Variants in GTF3A observed in about 807,000 individuals in gnomAD.
GTF3A encodes the protein general transcription factor IIIA, also known as transcription factor IIIA.
Under a neutral mutation model 37.6 loss-of-function variants are expected in GTF3A, and 40 were observed. The ratio of observed to expected loss-of-function variants is 1.06; its 90% CI spans 0.83 to 1.38. The LOEUF (loss-of-function observed/expected upper bound fraction) is 1.38. Ranked by LOEUF, GTF3A falls within the 40% of genes most tolerant of loss-of-function variation. The pLI, the probability that GTF3A is intolerant of heterozygous loss-of-function variation, is 0.00. For missense variants in GTF3A, 500 were observed against 462.6 expected (o/e 1.08, Z -0.74); for synonymous variants, 191 against 166.7 (o/e 1.15, Z -1.12).
chr13:27,424,846 C>T lies in GTF3A; in HGVS notation c.109C>T (p.Pro37Ser), dbSNP rs762389606. Residue 37 changes from proline to serine, a missense_variant, in exon 1 of 9, where the codon CCC becomes TCC. Physicochemically the swap from Pro to Ser is moderately conservative, Grantham distance 74. Coordinates refer to ENST00000381140, the MANE Select transcript of GTF3A (RefSeq NM_002097.3). ...TCCGACCCCGCCGCGCCCCGCGCTT[C>T]CCAGGAGGTTCATCTGCTCCTTCCC... 1.5e-4 allele frequency: 237 copies of T among 1,550,830 alleles called. No individual in the cohort carries two copies. Among genetic ancestry groups the T allele is most frequent in the Non-Finnish European group, 1.9e-4 (222 of 1,146,814 alleles).
chr13:27,428,261 ACT>A lies in GTF3A; in HGVS notation c.302+1073_302+1074del, dbSNP rs753193242. On this transcript the variant is annotated intron_variant, in intron 2 of 8. Coordinates refer to ENST00000381140, the MANE Select transcript of GTF3A (RefSeq NM_002097.3). ...TAGCAAAGATAAGGCAGCTCCCTGGACTCTCCATTCTTTCTCCCATCCCTTGC... is the reference window on the plus strand; with the variant it reads ...TAGCAAAGATAAGGCAGCTCCCTGGACTCCATTCTTTCTCCCATCCCTTGC... Among the ~76,000 whole-genome samples the A allele has an allele frequency of 6.6e-5, 10 of 151,516 alleles. No individual in the cohort carries two copies. The East Asian group carries it at 1.9e-3, about 30-fold the overall frequency.
At chr13:27,434,605 CTG>C in intron 6 of GTF3A, 198 bp from the exon 7 acceptor site, 2 of 580,198 alleles carry the variant, frequency 3.4e-6, no homozygotes, top group Non-Finnish European at 3.0e-6. Context: ...TGAACAATGA[CTG>C]TGTGGCATTT....
At chr13:27,430,895 T>G (rs1014458876) in intron 4 of GTF3A, among the ~76,000 whole-genome samples, 3 of 152,236 alleles carry the variant, frequency 2.0e-5, no homozygotes, top group Admixed American at 1.3e-4. Context: ...TGCTGATTAT[T>G]TCTTTTGCTG....
intron 2 of GTF3A, 21 bp from the exon 3 acceptor site, chr13:27,429,849 G>A (rs1482577465): frequency 7.5e-7 from 1 of 1,340,110 alleles, no homozygotes; most frequent in East Asian, 2.6e-5. Flanking sequence ...TTAATATTTT[G>A]GTTTATATAA....
intron 4 of GTF3A, among the ~76,000 whole-genome samples, chr13:27,431,138 T>C (rs1953653563): frequency 6.6e-6 from 1 of 152,230 alleles, no homozygotes; most frequent in Admixed American, 6.5e-5. Flanking sequence ...TAGGGAGTCC[T>C]TTCCCCAGTT....
intron 4 of GTF3A, among the ~76,000 whole-genome samples, chr13:27,431,942 A>G (rs1218589799): frequency 1.3e-5 from 2 of 152,216 alleles, no homozygotes; most frequent in Non-Finnish European, 2.9e-5. Flanking sequence ...AGATTATTCT[A>G]GTTGTGGTTA....
intron 5 of GTF3A, among the ~76,000 whole-genome samples, chr13:27,433,188 G>C (rs12583724): frequency 7.0e-6 from 1 of 143,544 alleles, no homozygotes; most frequent in East Asian, 2.0e-4. Flanking sequence ...CATTTTGAGA[G>C]CCATCAGATG....
chr13:27,430,564 A>C lies in GTF3A; in HGVS notation c.431A>C (p.Lys144Thr), dbSNP rs1226426234. 6.2e-7 allele frequency: 1 copy of C among 1,612,410 alleles called. No homozygotes were observed. Residue 144 changes from lysine (K) to threonine (T), a missense_variant, in exon 4 of 9, where the codon AAG (lysine) becomes ACG (threonine). Coordinates refer to ENST00000381140, the MANE Select transcript of GTF3A (RefSeq NM_002097.3). ...TTTGAAGACTGTAAGAAGACCTTTA[A>C]GAAACATCAGCAGCTGAAAATCCAT...
chr13:27,427,238 G>A (rs750313036), intron 2 of GTF3A, 46 bp downstream of exon 2: 26 of 875,006 alleles, frequency 3.0e-5, no homozygotes, highest in Admixed American at 2.0e-5. Context: ...GTTGTGTTGG[G>A]CATATAGACC....
chr13:27,427,561 C>A (rs2138022078), intron 2 of GTF3A, among the ~76,000 whole-genome samples: 1 of 152,192 alleles, frequency 6.6e-6, no homozygotes, highest in East Asian at 1.9e-4. Flanking sequence ...AAAATGAATG[C>A]AGATGCTCTC....
In GTF3A at chr13:27,424,638, G is replaced by T; in HGVS notation, c.-100G>T. ...TCCCGGAAGTGTGCCGGCGTCGCGC[G>T]AAGGTTCAGCAGGGAGCCGTGGGCC... On this transcript the variant is annotated 5_prime_UTR_variant, in exon 1 of 9. Coordinates refer to ENST00000381140, the MANE Select transcript of GTF3A (RefSeq NM_002097.3). 1.2e-6 allele frequency: 1 copy of T among 817,188 alleles called. No homozygotes were observed. The highest frequency in any genetic ancestry group is 3.4e-5 in the East Asian group (1 of 29,454). 50.6% of individuals were successfully genotyped at this position (817,188 alleles called of 1,614,324 possible).
chr13:27,434,945 A>C lies in GTF3A; in HGVS notation c.784A>C (p.Asn262His). Residue 262 changes from asparagine to histidine, a missense_variant, in exon 7 of 9, where the codon AAT becomes CAT. Physicochemically the swap from Asn to His is moderately conservative, Grantham distance 68. Transcript: ENST00000381140. ...TGGAAGAACCTATACAACTGTGTTT[A>C]ATCTCCAAAGCCATATCCTCTCCTT... 6.2e-7 allele frequency: 1 copy of C among 1,610,960 alleles called. No individual in the cohort carries two copies. The highest frequency in any genetic ancestry group is 2.2e-5 in the East Asian group (1 of 44,862).
intron 3 of GTF3A, 101 bp downstream of exon 3, chr13:27,430,067 C>T (rs1953644098): frequency 3.7e-6 from 2 of 540,574 alleles, no homozygotes; most frequent in East Asian, 3.3e-5. Context: ...AGCCTATAAT[C>T]GTAGCTTGAG....
intron 3 of GTF3A, 52 bp downstream of exon 3, chr13:27,430,018 C>T: frequency 2.1e-6 from 2 of 961,778 alleles, no homozygotes; most frequent in Non-Finnish European, 3.0e-6. Context: ...ACACTTACTG[C>T]CTATGTTTCT....
At position 27,432,948 on chromosome 13, in the gene GTF3A, C is replaced by T. The variant is rs1953670672; in HGVS notation, c.562+144C>T. On this transcript the variant is annotated intron_variant, in intron 5 of 8. Transcript: ENST00000381140. Reference sequence around the variant, plus strand: ...CTTATTTGGGTCTTACACTCTTGTCCAAAGAGGCACTGTATATGTCTGTTT... The same window carrying T: ...CTTATTTGGGTCTTACACTCTTGTCTAAAGAGGCACTGTATATGTCTGTTT... 7 of 664,044 alleles carry T rather than the reference C, an allele frequency of 1.1e-5. No homozygotes were observed. In the South Asian group the frequency reaches 1.2e-4, roughly 12 times the overall value. The allele number at this position is 664,044 out of a possible 1,614,324, so 41.1% of individuals were successfully genotyped here. A position where few individuals can be genotyped will look rare whatever the true frequency, so the allele number is the denominator to read the frequency against.
At chr13:27,429,176 G>A (rs1953634181) in intron 2 of GTF3A, 1 of 151,354 alleles carries the variant, frequency 6.6e-6, no homozygotes, top group Non-Finnish European at 1.5e-5. Flanking sequence ...CCCTAGGAAT[G>A]GGACAGTGCC....
intron 6 of GTF3A, 70 bp downstream of exon 6, chr13:27,434,289 A>G: frequency 1.3e-6 from 1 of 777,716 alleles, no homozygotes; most frequent in Non-Finnish European, 2.4e-6. Context: ...GTGCTTTTCA[A>G]GAGTGAAATG....
chr13:27,424,778 T>C lies in GTF3A; in HGVS notation c.41T>C (p.Leu14Ser). Residue 14 changes from leucine to serine, a missense_variant, in exon 1 of 9, where the codon TTG (leucine) becomes TCG (serine). By Grantham distance (145) the Leu-to-Ser change is moderately radical (BLOSUM62 -2). Transcript: ENST00000381140. ...GTGGTCGCCGAGTCGGTGTCGTCCT[T>C]GACCATCGCCGACGCGTTCATTGCA... 6.5e-7 allele frequency: 1 copy of C among 1,540,700 alleles called. No individual in the cohort carries two copies. The highest frequency in any genetic ancestry group is 8.7e-7 in the Non-Finnish European group (1 of 1,143,890).
intron 2 of GTF3A, among the ~76,000 whole-genome samples, chr13:27,428,215 C>T (rs3848005): frequency 0.032 from 4,879 of 152,272 alleles, 147 homozygotes; most frequent in East Asian, 0.14. Flanking sequence ...GAGGTGGCCT[C>T]GCTGTCTGTC....
Sources: allele counts gnomAD v4.1 joint callset (sites outside exome capture counted in the v4.1 genomes callset), GRCh38; gene constraint gnomAD v4.1.1; transcripts MANE v1.5; gene names NCBI Gene and HGNC (gene_info 2026-07-23, HGNC 2026-07-21).